RIT2: variants seen among roughly 807,000 people sequenced by gnomAD.
RIT2 encodes GTP-binding protein Rit2.
RIT2 carries 24 observed loss-of-function variants against 23.7 expected under a neutral mutation model. The ratio of observed to expected loss-of-function variants is 1.01; its 90% CI spans 0.73 to 1.43. The LOEUF (loss-of-function observed/expected upper bound fraction) is 1.43. Ranked by LOEUF, RIT2 falls within the 40% of genes most tolerant of loss-of-function variation. The pLI is 0.00. For synonymous variants in RIT2, 107 were observed against 91.1 expected (o/e 1.17, Z -0.99); for missense variants, 236 against 266.9 (o/e 0.88, Z 0.81).
At chr18:43,067,021 T>C (rs1912786235) in intron 1 of RIT2, among the ~76,000 whole-genome samples, 1 of 151,822 alleles carries the variant, frequency 6.6e-6, no homozygotes, top group East Asian at 1.9e-4. Flanking sequence ...CATAGTTGAC[T>C]TGGCATTTCA....
Position 42,942,265 on chromosome 18 carries a change from G to T in RIT2, c.235-18502C>A, listed in dbSNP as rs190564903. Among the ~76,000 whole-genome samples the T allele has an allele frequency of 2.4e-4, 36 of 152,146 alleles. No individual in the cohort carries two copies. The East Asian group carries it at 7.0e-3, about 30-fold the overall frequency. On this transcript the variant is annotated intron_variant, in intron 3 of 4. Transcript: ENST00000326695. ...CTGCTTTTTACTGGCACACAGAGTGGTTGCTGCTGGCAGGACTCAACTTCT... is the reference window on the plus strand; with the variant it reads ...CTGCTTTTTACTGGCACACAGAGTGTTTGCTGCTGGCAGGACTCAACTTCT...
intron 1 of RIT2, among the ~76,000 whole-genome samples, chr18:43,035,299 A>C (rs1431903971): frequency 6.6e-6 from 1 of 152,220 alleles, no homozygotes; most frequent in Non-Finnish European, 1.5e-5. Flanking sequence ...CTTTGGGCAA[A>C]TTTTTGAAAT....
intron 4 of RIT2, among the ~76,000 whole-genome samples, chr18:42,915,992 C>T (rs1435731840): frequency 2.0e-5 from 3 of 151,746 alleles, no homozygotes; most frequent in African/African-American, 7.3e-5. Context: ...CTTTAAAACA[C>T]TTGTAGGTTC....
At chr18:43,079,312 A>G (rs934761536) in intron 1 of RIT2, among the ~76,000 whole-genome samples, 7 of 152,214 alleles carry the variant, frequency 4.6e-5, no homozygotes, top group African/African-American at 1.2e-4. Flanking sequence ...TTTTGTACTA[A>G]TAAGACTGGA....
At chr18:43,051,404 T>C (rs1239234305) in intron 1 of RIT2, among the ~76,000 whole-genome samples, 2 of 151,986 alleles carry the variant, frequency 1.3e-5, no homozygotes, top group East Asian at 1.9e-4. Context: ...GTATGGAAGA[T>C]AGTTATTTTT....
intron 2 of RIT2, among the ~76,000 whole-genome samples, chr18:42,981,316 A>G (rs1416421907): frequency 6.6e-6 from 1 of 152,140 alleles, no homozygotes; most frequent in Non-Finnish European, 1.5e-5. Flanking sequence ...GCTTAAATAC[A>G]TATTATTTCT....
At chr18:43,002,559 G>A (rs1457136872) in intron 2 of RIT2, among the ~76,000 whole-genome samples, 13 of 152,064 alleles carry the variant, frequency 8.5e-5, no homozygotes, top group Middle Eastern at 3.4e-3. Context: ...TAAGATGAGA[G>A]GATAACAGAT....
chr18:43,112,919 A>G (rs1913987179), intron 1 of RIT2, among the ~76,000 whole-genome samples: 1 of 152,152 alleles, frequency 6.6e-6, no homozygotes, highest in Admixed American at 6.5e-5. Context: ...TCAGAAGAGC[A>G]GATCTCTTCT....
chr18:42,820,800 T>C (rs1242996028), intron 4 of RIT2, among the ~76,000 whole-genome samples: 3 of 152,180 alleles, frequency 2.0e-5, no homozygotes, highest in East Asian at 3.8e-4. Context: ...GATTGCCCTC[T>C]GTTTCCTGCT....
chr18:43,110,200 A>T (rs574865663), intron 1 of RIT2, among the ~76,000 whole-genome samples: 2 of 152,204 alleles, frequency 1.3e-5, no homozygotes, highest in African/African-American at 4.8e-5. Flanking sequence ...CATTATCATT[A>T]TGTTAAGTGT....
chr18:42,997,590 C>T (rs1261624363), intron 2 of RIT2, among the ~76,000 whole-genome samples: 1 of 151,456 alleles, frequency 6.6e-6, no homozygotes, highest in Non-Finnish European at 1.5e-5. Context: ...ATGCTAATCT[C>T]GTATCCCATA....
intron 4 of RIT2, among the ~76,000 whole-genome samples, chr18:42,809,148 C>A (rs1258961541): frequency 6.6e-6 from 1 of 152,032 alleles, no homozygotes; most frequent in South Asian, 2.1e-4. Context: ...ATTATTCTGA[C>A]TATATTGTGT....
intron 1 of RIT2, among the ~76,000 whole-genome samples, chr18:43,056,990 T>A (rs933901073): frequency 2.8e-4 from 39 of 140,270 alleles, no homozygotes; most frequent in African/African-American, 9.9e-4. Flanking sequence ...CTGGAAAAAA[T>A]GAAATTCCTT....
intron 4 of RIT2, among the ~76,000 whole-genome samples, chr18:42,856,825 C>CTTTTTTTTTTTTTTTTT (rs760595125): frequency 1.6e-5 from 2 of 128,026 alleles, no homozygotes; most frequent in African/African-American, 6.5e-5. Flanking sequence ...TTCTCTCTCT[C>CTTTTTTTTTTTTTTTTT]TCTTTTTTTT....
At chr18:42,996,197 C>G (rs1220841339) in intron 2 of RIT2, among the ~76,000 whole-genome samples, 1 of 152,000 alleles carries the variant, frequency 6.6e-6, no homozygotes, top group Non-Finnish European at 1.5e-5. Context: ...CTAACAGTCC[C>G]ACAATATCAC....
chr18:43,065,963 T>A (rs1912762423), intron 1 of RIT2, among the ~76,000 whole-genome samples: 1 of 152,194 alleles, frequency 6.6e-6, no homozygotes, highest in Non-Finnish European at 1.5e-5. Context: ...TACAATTACA[T>A]CCAGAGTAAT....
intron 4 of RIT2, among the ~76,000 whole-genome samples, chr18:42,911,609 A>C (rs187706254): frequency 6.6e-6 from 1 of 152,040 alleles, no homozygotes. Context: ...CATATATGCA[A>C]AATTTTTATT....
chr18:43,097,997 T>C (rs1430631062), intron 1 of RIT2, among the ~76,000 whole-genome samples: 1 of 151,978 alleles, frequency 6.6e-6, no homozygotes, highest in Non-Finnish European at 1.5e-5. Context: ...TATTAGCTGG[T>C]GTAGCTAAAG....
intron 1 of RIT2, among the ~76,000 whole-genome samples, chr18:43,102,968 T>C (rs931862467): frequency 3.9e-5 from 6 of 152,254 alleles, no homozygotes; most frequent in Admixed American, 3.9e-4. Context: ...ACTCAGCATT[T>C]ATATCTTAAT....
Sources: gnomAD v4.1 joint callset for allele counts (sites outside exome capture counted in the v4.1 genomes callset) on GRCh38, gnomAD v4.1.1 for gene constraint, MANE v1.5 for transcripts, NCBI Gene and HGNC (gene_info 2026-07-23, HGNC 2026-07-21) for gene names.